PCDHGB1: variants seen among roughly 807,000 people sequenced by gnomAD.
PCDHGB1 encodes protocadherin gamma-B1.
PCDHGB1 carries 34 observed loss-of-function variants against 56.6 expected under a neutral mutation model. The observed-to-expected ratio is 0.60, with a 90% CI of 0.46 to 0.80. PCDHGB1 has a LOEUF of 0.80. PCDHGB1 is among the 30% of genes least tolerant of loss of function. The pLI, the probability that PCDHGB1 is intolerant of heterozygous loss-of-function variation, is 0.00. For synonymous variants in PCDHGB1, 561 were observed against 505.9 expected (o/e 1.11, Z -1.46); for missense variants, 1,278 against 1,204.6 (o/e 1.06, Z -0.90).
intron 1 of PCDHGB1, chr5:141,415,379 G>T: frequency 3.7e-6 from 6 of 1,614,250 alleles, no homozygotes; most frequent in Non-Finnish European, 3.4e-6. Flanking sequence ...TCAGGAGGCG[G>T]CTTGACAGGT....
chr5:141,456,301 C>CA (rs761557752), intron 1 of PCDHGB1, among the ~76,000 whole-genome samples: 14 of 152,154 alleles, frequency 9.2e-5, no homozygotes, highest in Non-Finnish European at 1.6e-4. Flanking sequence ...TAATGGAGAA[C>CA]AGCAGCTAGG....
At chr5:141,388,971 CAT>C (rs1456846164) in intron 1 of PCDHGB1, 3 of 1,613,890 alleles carry the variant, frequency 1.9e-6, no homozygotes, top group Non-Finnish European at 2.5e-6. Context: ...GCTGGGAACA[CAT>C]ATTGCTTTGC....
In PCDHGB1 at chr5:141,389,561, G is replaced by A. The variant is rs115696241; in HGVS notation, c.2409+36892G>A. On this transcript the variant is annotated intron_variant, in intron 1 of 3. Transcript: ENST00000523390. Reference sequence around the variant, plus strand: ...ACGACCGCAACGACAATGCGCCACGGGTGCTGTACCCCGCGCTGGGTCCCG... The same window carrying A: ...ACGACCGCAACGACAATGCGCCACGAGTGCTGTACCCCGCGCTGGGTCCCG... 3,114 of 1,613,258 alleles carry A rather than the reference G, an allele frequency of 1.9e-3. 62 individuals carry two copies. The African/African-American group carries it at 0.034, about 18-fold the overall frequency.
chr5:141,366,335 C>T, intron 1 of PCDHGB1: 2 of 1,613,882 alleles, frequency 1.2e-6, no homozygotes, highest in Non-Finnish European at 1.7e-6. Context: ...CGACAGGATC[C>T]CTGACATCCT....
At chr5:141,421,305 G>A in intron 1 of PCDHGB1, 23 of 1,613,652 alleles carry the variant, frequency 1.4e-5, no homozygotes, top group Non-Finnish European at 1.9e-5. Context: ...CGCTGCGGGG[G>A]TTCCGGGCCA....
chr5:141,422,092 G>A (rs2154549502), intron 1 of PCDHGB1: 6 of 1,611,520 alleles, frequency 3.7e-6, no homozygotes, highest in Non-Finnish European at 5.1e-6. Flanking sequence ...GGAAAGCAAG[G>A]CTTCTGAAAT....
chr5:141,408,752 G>A (rs780102602), intron 1 of PCDHGB1: 8 of 1,610,388 alleles, frequency 5.0e-6, no homozygotes, highest in Non-Finnish European at 5.9e-6. Flanking sequence ...AATGGTTAGA[G>A]TTAATTCCGA....
intron 1 of PCDHGB1, chr5:141,371,928 G>A (rs1305933236): frequency 4.3e-6 from 7 of 1,613,232 alleles, no homozygotes; most frequent in Non-Finnish European, 5.1e-6. Flanking sequence ...CGCGCGGAGC[G>A]GGGTGGTGTT....
intron 1 of PCDHGB1, chr5:141,373,940 C>T: frequency 1.4e-6 from 1 of 716,494 alleles, no homozygotes; most frequent in East Asian, 3.0e-5. Flanking sequence ...AGCAGGAAAG[C>T]TGTGCAGAAA....
chr5:141,485,242 C>A lies in PCDHGB1; in HGVS notation c.2410-9565C>A, dbSNP rs747029550. ...CTACCCTTTTGTTCCTCTTTTACCA[C>A]CTGGGTTACGTTTGTGGGCAGATCC... On this transcript the variant is annotated intron_variant, in intron 1 of 3. Transcript: ENST00000523390. This position sits in a 1 kb window ranked among gnomAD's most constrained non-coding sequence, Gnocchi z 5.7. 7.4e-5 allele frequency: 119 copies of A among 1,614,054 alleles called. No individual in the cohort carries two copies. The highest frequency in any genetic ancestry group is 3.3e-4 in the Middle Eastern group (2 of 6,084).
rs2093981639 is a variant in PCDHGB1 at position 141,400,215 on chromosome 5, A to G, written c.2409+47546A>G. On this transcript the variant is annotated intron_variant, in intron 1 of 3. Transcript: ENST00000523390. ...TAGTGGTGGCCTTGGCCTTGATCTC[A>G]GTGCTCTTCCTCCTGGCCGTGATTC... 3 of 1,613,736 alleles carry G rather than the reference A, an allele frequency of 1.9e-6. No individual in the cohort carries two copies. The East Asian group carries it at 6.7e-5, about 36-fold the overall frequency.
intron 1 of PCDHGB1, among the ~76,000 whole-genome samples, chr5:141,459,312 G>A (rs968359414): frequency 6.6e-6 from 1 of 152,084 alleles, no homozygotes; most frequent in African/African-American, 2.4e-5. Flanking sequence ...ATACTATTTT[G>A]TATCCATCTT....
intron 1 of PCDHGB1, chr5:141,384,334 C>G (rs1779970411): frequency 2.5e-6 from 4 of 1,613,846 alleles, no homozygotes; most frequent in Non-Finnish European, 2.5e-6. Flanking sequence ...TGCACAGGAC[C>G]ACGACAGTGA....
chr5:141,425,119 T>G (rs1234720658), intron 1 of PCDHGB1, among the ~76,000 whole-genome samples: 1 of 152,220 alleles, frequency 6.6e-6, no homozygotes, highest in Non-Finnish European at 1.5e-5. Context: ...ACATTTTTCT[T>G]GAAGTCAAGA....
intron 1 of PCDHGB1, chr5:141,441,330 C>T (rs919906372): frequency 8.5e-5 from 13 of 152,170 alleles, no homozygotes; most frequent in Admixed American, 1.3e-4. Context: ...AATCTTCCTC[C>T]AATAATTAAC....
chr5:141,364,313 T>C, intron 1 of PCDHGB1: 4 of 1,522,730 alleles, frequency 2.6e-6, no homozygotes, highest in Non-Finnish European at 2.6e-6. Flanking sequence ...TAAGAGAAAA[T>C]TGGGCAGAGA....
At chr5:141,356,373 A>G (rs1377588447) in intron 1 of PCDHGB1, 22 of 1,562,508 alleles carry the variant, frequency 1.4e-5, no homozygotes, top group Non-Finnish European at 1.8e-5. Context: ...ATAATCTGCC[A>G]TTCACACTTG....
At chr5:141,392,776 C>T in intron 1 of PCDHGB1, 1 of 1,526,772 alleles carries the variant, frequency 6.5e-7, no homozygotes, top group African/African-American at 1.4e-5. Flanking sequence ...CATTTATGCA[C>T]AGTGAAGATT....
At chr5:141,445,782 G>A (rs530081823) in intron 1 of PCDHGB1, among the ~76,000 whole-genome samples, 1 of 152,310 alleles carries the variant, frequency 6.6e-6, no homozygotes, top group East Asian at 1.9e-4. Flanking sequence ...AAGGGCTAGG[G>A]AGGCTAGAAA....
Sources: allele counts gnomAD v4.1 joint callset (sites outside exome capture counted in the v4.1 genomes callset), GRCh38; gene constraint gnomAD v4.1.1; non-coding constraint Gnocchi (gnomAD v3.1); transcripts MANE v1.5; gene names NCBI Gene and HGNC (gene_info 2026-07-23, HGNC 2026-07-21).